Variants in PTPRD observed in about 807,000 individuals in gnomAD.
PTPRD encodes the protein receptor-type tyrosine-protein phosphatase delta.
A neutral mutation model predicts 214.5 loss-of-function variants in PTPRD; 34 were observed. That is an observed-to-expected ratio of 0.16 (90% CI 0.12 to 0.21). PTPRD has a LOEUF of 0.21. Ranked by LOEUF, PTPRD falls within the 10% of genes least tolerant of loss-of-function variation. PTPRD has a pLI of 1.00. For synonymous variants in PTPRD, 1,128 were observed against 845.7 expected (o/e 1.33, Z -5.79); for missense variants, 2,545 against 2,398.7 (o/e 1.06, Z -1.27).
chr9:10,239,006 T>G (rs2154361300), intron 3 of PTPRD, among the ~76,000 whole-genome samples: 1 of 151,992 alleles, frequency 6.6e-6, no homozygotes, highest in Non-Finnish European at 1.5e-5. Context: ...TCCAATATGG[T>G]TTTGAATATC....
At chr9:10,044,105 C>A (rs1159645373) in intron 3 of PTPRD, among the ~76,000 whole-genome samples, 4 of 151,666 alleles carry the variant, frequency 2.6e-5, no homozygotes. Flanking sequence ...GTTTCTTGTT[C>A]AACACCCTGG....
In PTPRD at chr9:8,746,233, G is replaced by C. The variant is rs539254705; in HGVS notation, c.-103-12287C>G. 1.7e-3 allele frequency among the ~76,000 whole-genome samples: 265 copies of C among 152,264 alleles called. 1 individual carries two copies. Among genetic ancestry groups the C allele is most frequent in the African/African-American group, 6.0e-3 (249 of 41,542 alleles). ...TCTCAGTGGAGAGACAACAGCCTGA[G>C]TGCACTTTATTACGAAGTTGCTGAG... On this transcript the variant is annotated intron_variant, in intron 11 of 45. Coordinates refer to ENST00000381196, the MANE Select transcript of PTPRD (RefSeq NM_002839.4).
intron 31 of PTPRD, 47 bp from the exon 32 acceptor site, chr9:8,465,722 C>G (rs76335877): frequency 1.3e-6 from 2 of 1,491,622 alleles, no homozygotes; most frequent in African/African-American, 2.8e-5. Context: ...AAATAATAAC[C>G]CAGCTTATTG....
At chr9:9,988,180 AAC>A (rs1346577057) in intron 4 of PTPRD, among the ~76,000 whole-genome samples, 6 of 152,122 alleles carry the variant, frequency 3.9e-5, no homozygotes, top group African/African-American at 7.2e-5. Flanking sequence ...TCTGCTACAA[AAC>A]ACATAATTAT....
chr9:8,953,959 G>C (rs1286172797), intron 11 of PTPRD, among the ~76,000 whole-genome samples: 1 of 151,904 alleles, frequency 6.6e-6, no homozygotes, highest in Non-Finnish European at 1.5e-5. Flanking sequence ...ACTTAAAACA[G>C]TGCTATAATT....
At chr9:10,291,333 G>A (rs1206800867) in intron 3 of PTPRD, among the ~76,000 whole-genome samples, 1 of 151,990 alleles carries the variant, frequency 6.6e-6, no homozygotes, top group Non-Finnish European at 1.5e-5. Flanking sequence ...CTCAAAACAT[G>A]GTCAACATCC....
chr9:9,877,615 T>C (rs2067263627), intron 5 of PTPRD, among the ~76,000 whole-genome samples: 1 of 152,134 alleles, frequency 6.6e-6, no homozygotes, highest in African/African-American at 2.4e-5. Context: ...TTCTTAATTA[T>C]TGTGTTGGGT....
intron 10 of PTPRD, among the ~76,000 whole-genome samples, chr9:9,109,170 A>G (rs768212309): frequency 6.6e-6 from 1 of 152,194 alleles, no homozygotes; most frequent in Non-Finnish European, 1.5e-5. Context: ...GCTATGGATT[A>G]GGATCTTGAG....
chr9:9,256,873 A>G (rs750085471), intron 9 of PTPRD, among the ~76,000 whole-genome samples: 1 of 151,990 alleles, frequency 6.6e-6, no homozygotes, highest in Non-Finnish European at 1.5e-5. Context: ...AACTCTGTTG[A>G]CATCTCCTCT....
intron 3 of PTPRD, among the ~76,000 whole-genome samples, chr9:10,325,458 C>T (rs2096626499): frequency 6.6e-6 from 1 of 151,890 alleles, no homozygotes; most frequent in South Asian, 2.1e-4. Context: ...TTTAACCCTA[C>T]TGTCTTTATA....
At chr9:9,210,597 G>C (rs1264305887) in intron 9 of PTPRD, among the ~76,000 whole-genome samples, 2 of 151,572 alleles carry the variant, frequency 1.3e-5, no homozygotes, top group African/African-American at 2.4e-5. Context: ...TTTTTTGCTT[G>C]AGAACACTTG....
At chr9:8,590,301 T>G (rs1485110049) in intron 14 of PTPRD, among the ~76,000 whole-genome samples, 2 of 152,266 alleles carry the variant, frequency 1.3e-5, no homozygotes, top group Admixed American at 6.5e-5. Flanking sequence ...AGTGTGGATA[T>G]CCAAGAATAA....
At chr9:9,640,287 T>A (rs1270781742) in intron 7 of PTPRD, among the ~76,000 whole-genome samples, 1 of 152,240 alleles carries the variant, frequency 6.6e-6, no homozygotes, top group Admixed American at 6.5e-5. Flanking sequence ...TGACTGGCAC[T>A]CTTTCCGAGG....
intron 10 of PTPRD, among the ~76,000 whole-genome samples, chr9:9,088,250 T>C (rs112674911): frequency 0.015 from 2,275 of 151,566 alleles, 42 homozygotes; most frequent in African/African-American, 0.052. Flanking sequence ...AAAGTTCTTC[T>C]AAATTTTAAA....
intron 3 of PTPRD, among the ~76,000 whole-genome samples, chr9:10,095,567 C>A (rs1038343174): frequency 6.6e-6 from 1 of 151,590 alleles, no homozygotes; most frequent in South Asian, 2.1e-4. Flanking sequence ...ATATACCAGA[C>A]AGCGTGAATA....
At chr9:9,644,296 A>C (rs1053885279) in intron 7 of PTPRD, among the ~76,000 whole-genome samples, 2 of 152,178 alleles carry the variant, frequency 1.3e-5, no homozygotes, top group African/African-American at 4.8e-5. Context: ...GGGAAGAGGA[A>C]GGAATCAGAA....
At chr9:9,191,144 T>G (rs933811247) in intron 9 of PTPRD, among the ~76,000 whole-genome samples, 1 of 152,154 alleles carries the variant, frequency 6.6e-6, no homozygotes. Context: ...TTGCTTGCTA[T>G]GTCACATTCT....
At chr9:9,434,869 T>C (rs1303494121) in intron 8 of PTPRD, among the ~76,000 whole-genome samples, 2 of 148,468 alleles carry the variant, frequency 1.3e-5, no homozygotes, top group Non-Finnish European at 3.0e-5. Context: ...TAATCTATAA[T>C]ATATATTGTT....
chr9:9,722,549 A>G (rs901257155), intron 7 of PTPRD, among the ~76,000 whole-genome samples: 42 of 152,158 alleles, frequency 2.8e-4, no homozygotes, highest in African/African-American at 9.1e-4. Context: ...GTTTTTATAT[A>G]GACATATATT....
Sources: allele counts gnomAD v4.1 joint callset (sites outside exome capture counted in the v4.1 genomes callset), GRCh38; gene constraint gnomAD v4.1.1; transcripts MANE v1.5; gene names NCBI Gene and HGNC (gene_info 2026-07-23, HGNC 2026-07-21).